The following RBM8A variants were observed in gnomAD, a reference collection of about 807,000 sequenced individuals.
RBM8A encodes the protein RNA binding motif protein 8A, also known as RNA-binding protein 8A.
In RBM8A, 8 loss-of-function variants were observed where a neutral mutation model predicts 25.1. The observed-to-expected ratio is 0.32, with a 90% confidence interval of 0.19 to 0.58. RBM8A has a LOEUF of 0.58. Among genes scored for constraint, RBM8A ranks in the 20% least tolerant of loss-of-function variants. The pLI is 0.88. For missense variants in RBM8A, 114 were observed against 236.8 expected, an observed-to-expected ratio of 0.48 and a Z score of 3.40; for synonymous variants, 66 against 80.0, an observed-to-expected ratio of 0.82 and a Z score of 0.94.
In RBM8A at chr1:145,925,353, A is replaced by C. The variant is rs1648087642; in HGVS notation, c.*529T>G. On this transcript the variant is annotated 3_prime_UTR_variant, in exon 6 of 6. Transcript: ENST00000583313. ...AAAAGAAATACTGACCAGTGTCTCTACTTTAAACCCTACCTGAAACTTGAG... is the reference window on the plus strand; with the variant it reads ...AAAAGAAATACTGACCAGTGTCTCTCCTTTAAACCCTACCTGAAACTTGAG... 2.0e-5 allele frequency: 7 copies of C among 350,560 alleles called. No individual in the cohort carries two copies. Among genetic ancestry groups the C allele is most frequent in the South Asian group, 1.5e-4 (7 of 46,200 alleles). 21.7% of individuals were successfully genotyped at this position (350,560 alleles called of 1,614,324 possible).
rs1201063172 is a variant in RBM8A, at chr1:145,923,137, G to T, written c.*2745C>A. ...GTACAGACAGGGTTTCACTGTGTTA[G>T]CCAGGATGGTCTCCATCTCCTAACC... is the stretch of plus-strand genomic sequence containing the variant. On this transcript the variant is annotated 3_prime_UTR_variant, in exon 6 of 6. Transcript: ENST00000583313. The T allele has an allele frequency of 1.3e-5, 2 of 152,074 alleles. No individual in the cohort carries two copies. The highest frequency in any genetic ancestry group is 2.4e-5 in the African/African-American group (1 of 41,368). 9.4% of individuals were successfully genotyped at this position (152,074 alleles called of 1,614,324 possible).
Position 145,924,620 on chromosome 1 carries a change from C to T in RBM8A, c.*1262G>A, listed in dbSNP as rs1161272498. 3 of 353,826 alleles carry T rather than the reference C, an allele frequency of 8.5e-6. No individual in the cohort carries two copies. Among genetic ancestry groups the T allele is most frequent in the East Asian group, 7.5e-5 (1 of 13,396 alleles). 21.9% of individuals were successfully genotyped at this position (353,826 alleles called of 1,614,324 possible). ...ACACCATCAAGTCTAGACTTGGTGG[C>T]TTCATATTTCTATCATAATCCCTGG... On this transcript the variant is annotated 3_prime_UTR_variant, in exon 6 of 6. Transcript: ENST00000583313.
intron 1 of RBM8A, 77 bp from the exon 2 acceptor site, chr1:145,927,154 C>G: frequency 6.4e-7 from 1 of 1,567,710 alleles, no homozygotes; most frequent in Non-Finnish European, 8.7e-7. Context: ...AATACACTAC[C>G]AGCAAGCCGA....
rs782628401 is a variant in RBM8A at position 145,927,428 on chromosome 1, T to G, written c.-2A>C. 3 of 1,609,322 alleles carry G rather than the reference T, an allele frequency of 1.9e-6. No homozygotes were observed. Among genetic ancestry groups the G allele is most frequent in the Non-Finnish European group, 2.5e-6 (3 of 1,178,106 alleles). On this transcript the variant is annotated 5_prime_UTR_variant, in exon 1 of 6. Transcript: ENST00000583313. The stretch of plus-strand genomic sequence containing the variant: ...GTGAAGATCTAGCACGTCCGCCATC[T>G]CGCCTTCGATCGAGATCTCGTCTGT...
At chr1:145,927,156 G>C in intron 1 of RBM8A, 79 bp from the exon 2 acceptor site, 1 of 1,562,746 alleles carries the variant, frequency 6.4e-7, no homozygotes, top group South Asian at 1.1e-5. Flanking sequence ...TACACTACCA[G>C]CAAGCCGACC....
At chr1:145,927,318 G>A in intron 1 of RBM8A, 42 bp downstream of exon 1, 1 of 1,593,846 alleles carries the variant, frequency 6.3e-7, no homozygotes, top group Admixed American at 1.8e-5. Context: ...GCCTTCTCTC[G>A]CACCTTCCCC....
chr1:145,926,842 C>T lies in RBM8A; in HGVS notation c.172G>A (p.Glu58Lys). 1.9e-6 allele frequency: 3 copies of T among 1,614,168 alleles called. No homozygotes were observed. The highest frequency in any genetic ancestry group is 2.5e-6 in the Non-Finnish European group (3 of 1,180,022). Residue 58 changes from glutamate to lysine, a missense_variant, in exon 3 of 6, where the codon GAG becomes AAG. By Grantham distance (56) the Glu-to-Lys change is moderately conservative. Transcript: ENST00000583313. ...ARMREDYDSV[E>K]QDGDEPGPQR... The stretch of plus-strand genomic sequence containing the variant: ...GGTCCGGGTTCATCGCCATCCTGCT[C>T]CACGCTGTCATAATCCTCACGCATC...
intron 1 of RBM8A, 24 bp from the exon 2 acceptor site, chr1:145,927,101 ATAAG>A (rs1559232037): frequency 2.5e-6 from 4 of 1,607,858 alleles, no homozygotes; most frequent in Non-Finnish European, 3.4e-6. Flanking sequence ...AGATAAAAGA[ATAAG>A]TAACTATGAC....
In RBM8A at chr1:145,925,764, A is replaced by C; in HGVS notation, c.*118T>G. 1 of 1,179,278 alleles carries C rather than the reference A, an allele frequency of 8.5e-7. No homozygotes were observed. The highest frequency in any genetic ancestry group is 1.2e-6 in the Non-Finnish European group (1 of 804,918). The allele number at this position is 1,179,278 out of a possible 1,614,324, so 73.1% of individuals were successfully genotyped here. ...AACATTTATTCGCAACTCAAATACT[A>C]CGCATATACGGTAAGAGATTAAATA... On this transcript the variant is annotated 3_prime_UTR_variant, in exon 6 of 6. Transcript: ENST00000583313.
chr1:145,922,766 G>T lies in RBM8A; in HGVS notation c.*3116C>A, dbSNP rs782202448. ...TAGGGGTAGTTATAGGTAGTATTAGGAGTAGTTAGAAATTACTTATTTTTG... is the reference window on the plus strand; with the variant it reads ...TAGGGGTAGTTATAGGTAGTATTAGTAGTAGTTAGAAATTACTTATTTTTG... On this transcript the variant is annotated 3_prime_UTR_variant, in exon 6 of 6. Transcript: ENST00000583313. 3.9e-5 allele frequency: 6 copies of T among 152,256 alleles called. No homozygotes were observed. The highest frequency in any genetic ancestry group is 5.9e-5 in the Non-Finnish European group (4 of 68,014). The allele number at this position is 152,256 out of a possible 1,614,324, so 9.4% of individuals were successfully genotyped here.
In RBM8A at chr1:145,926,899, T is replaced by C. The variant is rs1553756053; in HGVS notation, c.128-13A>G. The C allele has an allele frequency of 6.2e-6, 10 of 1,613,932 alleles. No homozygotes were observed. The highest frequency in any genetic ancestry group is 3.3e-5 in the South Asian group (3 of 91,086). On this transcript the variant is annotated splice_polypyrimidine_tract_variant and intron_variant, in intron 2 of 5. Transcript: ENST00000583313. ...CGGGACCCCTCTTCTATAAGGGACA[T>C]ACACGAGATCACCGAAAACTCCTCC... is the stretch of plus-strand genomic sequence containing the variant.
Position 145,925,705 on chromosome 1 carries a change from G to C in RBM8A, c.*177C>G. On this transcript the variant is annotated 3_prime_UTR_variant, in exon 6 of 6. Coordinates refer to ENST00000583313, the MANE Select transcript of RBM8A (RefSeq NM_005105.5). ...CTTTAGAACTTTCAATTTTAGGACA[G>C]GAAAGTAACATTAAATGTAGAAAAC... 1.2e-5 allele frequency: 8 copies of C among 657,678 alleles called. No homozygotes were observed. The South Asian group carries it at 1.5e-4, about 13-fold the overall frequency. 40.7% of individuals were successfully genotyped at this position (657,678 alleles called of 1,614,324 possible). A position where few individuals can be genotyped will look rare whatever the true frequency, so the allele number is the denominator to read the frequency against.
chr1:145,925,400 C>G lies in RBM8A; in HGVS notation c.*482G>C. 1 of 360,304 alleles carries G rather than the reference C, an allele frequency of 2.8e-6. No individual in the cohort carries two copies. Among genetic ancestry groups the G allele is most frequent in the Admixed American group, 3.8e-5 (1 of 26,422 alleles). 22.3% of individuals were successfully genotyped at this position (360,304 alleles called of 1,614,324 possible). A position where few individuals can be genotyped will look rare whatever the true frequency, so the allele number is the denominator to read the frequency against. ...TGAGACTATGTCTAATATAGAAACTCACATAACTAGCCCAGGTAACACAGC... is the reference window on the plus strand; with the variant it reads ...TGAGACTATGTCTAATATAGAAACTGACATAACTAGCCCAGGTAACACAGC... On this transcript the variant is annotated 3_prime_UTR_variant, in exon 6 of 6. Coordinates refer to ENST00000583313, the MANE Select transcript of RBM8A (RefSeq NM_005105.5).
In RBM8A at chr1:145,923,246, T is replaced by A. The variant is rs1470553710; in HGVS notation, c.*2636A>T. The A allele has an allele frequency of 3.3e-5, 5 of 151,452 alleles. No homozygotes were observed. Among genetic ancestry groups the A allele is most frequent in the Non-Finnish European group, 5.9e-5 (4 of 68,026 alleles). The allele number at this position is 151,452 out of a possible 1,614,324, so 9.4% of individuals were successfully genotyped here. A position where few individuals can be genotyped will look rare whatever the true frequency, so the allele number is the denominator to read the frequency against. On this transcript the variant is annotated 3_prime_UTR_variant, in exon 6 of 6. Coordinates refer to ENST00000583313, the MANE Select transcript of RBM8A (RefSeq NM_005105.5). ...GCCCAGCCAGCTTTGACTATTTTTA[T>A]ACTCCTCACAATTCTCAAGCACTTC... is the stretch of plus-strand genomic sequence containing the variant.
At chr1:145,927,160 G>A in intron 1 of RBM8A, 83 bp from the exon 2 acceptor site, 1 of 1,554,720 alleles carries the variant, frequency 6.4e-7, no homozygotes, top group Non-Finnish European at 8.8e-7. Context: ...CTACCAGCAA[G>A]CCGACCCACA....
rs374321744 is a variant in RBM8A at position 145,927,343 on chromosome 1, G to A, written c.67+17C>T. On this transcript the variant is annotated intron_variant, in intron 1 of 5. Coordinates refer to ENST00000583313, the MANE Select transcript of RBM8A (RefSeq NM_005105.5). ...GCACCTTCCCCGCTTCCCACCAGCC[G>A]TCTCCACTGTCCTCACCGTCCCCAT... 8.7e-6 allele frequency: 14 copies of A among 1,609,502 alleles called. No individual in the cohort carries two copies. The highest frequency in any genetic ancestry group is 1.2e-5 in the Non-Finnish European group (14 of 1,177,814).
Position 145,926,035 on chromosome 1 carries a change from T to C in RBM8A, c.479+6A>G. The C allele has an allele frequency of 6.2e-7, 1 of 1,614,254 alleles. No homozygotes were observed. Among genetic ancestry groups the C allele is most frequent in the South Asian group, 1.1e-5 (1 of 91,086 alleles). On this transcript the variant is annotated splice_donor_region_variant and intron_variant, in intron 5 of 5. Transcript: ENST00000583313. ...ACCCAGACAGTATTTGCCCTCTTCA[T>C]TTTACCTCCTCTTGCCTTTTGGTGG... is the stretch of plus-strand genomic sequence containing the variant.
Position 145,925,269 on chromosome 1 carries a change from T to A in RBM8A, c.*613A>T, listed in dbSNP as rs1248608048. The stretch of plus-strand genomic sequence containing the variant: ...GTATGTAGGAACAGAATAGTAAGTC[T>A]TTAGTGCCATAAGATCTTAACATCT... On this transcript the variant is annotated 3_prime_UTR_variant, in exon 6 of 6. Coordinates refer to ENST00000583313, the MANE Select transcript of RBM8A (RefSeq NM_005105.5). 3 of 245,874 alleles carry A rather than the reference T, an allele frequency of 1.2e-5. No homozygotes were observed. Among genetic ancestry groups the A allele is most frequent in the Non-Finnish European group, 2.2e-5 (3 of 133,948 alleles). 15.2% of individuals were successfully genotyped at this position (245,874 alleles called of 1,614,324 possible). A position where few individuals can be genotyped will look rare whatever the true frequency, so the allele number is the denominator to read the frequency against.
At position 145,921,703 on chromosome 1, in the gene RBM8A, C is replaced by G. The variant is rs1647792610; in HGVS notation, c.*4179G>C. The G allele has an allele frequency of 6.5e-6, 1 of 154,366 alleles. No individual in the cohort carries two copies. Among genetic ancestry groups the G allele is most frequent in the Admixed American group, 6.5e-5 (1 of 15,268 alleles). 9.6% of individuals were successfully genotyped at this position (154,366 alleles called of 1,614,324 possible). Reference sequence around the variant, plus strand: ...AATCTAGAGGGGGAAAAGCTAAATACAAAGCAATTCCTTCAAGGCAAAAAC... The same window carrying G: ...AATCTAGAGGGGGAAAAGCTAAATAGAAAGCAATTCCTTCAAGGCAAAAAC... On this transcript the variant is annotated 3_prime_UTR_variant, in exon 6 of 6. Coordinates refer to ENST00000583313, the MANE Select transcript of RBM8A (RefSeq NM_005105.5).
Sources: allele counts gnomAD v4.1 joint callset, GRCh38; gene constraint gnomAD v4.1.1; transcripts MANE v1.5; gene names NCBI Gene and HGNC (gene_info 2026-07-23, HGNC 2026-07-21).